FAM184A: variants seen among roughly 807,000 people sequenced by gnomAD.
FAM184A encodes the protein family with sequence similarity 184 member A, also known as protein FAM184A.
A neutral mutation model predicts 143.8 loss-of-function variants in FAM184A; 99 were observed. The ratio of observed to expected loss-of-function variants is 0.69; its 90% confidence interval spans 0.58 to 0.81. The LOEUF is 0.81. Ranked by LOEUF, FAM184A falls within the 40% of genes least tolerant of loss-of-function variation. The pLI is 0.00. For missense variants in FAM184A, 1,217 were observed against 1,310.5 expected, an observed-to-expected ratio of 0.93 and a Z score of 1.10; for synonymous variants, 427 against 446.4, an observed-to-expected ratio of 0.96 and a Z score of 0.55.
chr6:119,069,219 GT>G, intron 1 of FAM184A: 1 of 214,264 alleles, frequency 4.7e-6, no homozygotes, highest in Non-Finnish European at 1.1e-5. Context: ...CATTCGACAA[GT>G]TTACCAAACA....
At chr6:119,068,256 A>T (rs1199118322) in intron 1 of FAM184A, among the ~76,000 whole-genome samples, 1 of 152,048 alleles carries the variant, frequency 6.6e-6, no homozygotes, top group Non-Finnish European at 1.5e-5. Context: ...CATGTTGGCC[A>T]GGCTGGTCTC....
At chr6:118,987,663 A>C (rs1784235153) in intron 9 of FAM184A, among the ~76,000 whole-genome samples, 1 of 152,192 alleles carries the variant, frequency 6.6e-6, no homozygotes, top group Admixed American at 6.5e-5. Flanking sequence ...ATAACAATCC[A>C]GTACTTTTAA....
chr6:119,103,798 G>A (rs1394545605), intron 1 of FAM184A, among the ~76,000 whole-genome samples: 3 of 151,624 alleles, frequency 2.0e-5, no homozygotes, highest in Non-Finnish European at 4.4e-5. Flanking sequence ...ATGGTGGCAC[G>A]CACCTGTAGT....
intron 1 of FAM184A, among the ~76,000 whole-genome samples, chr6:119,109,671 T>C (rs1374315456): frequency 6.6e-6 from 1 of 152,228 alleles, no homozygotes; most frequent in Non-Finnish European, 1.5e-5. Flanking sequence ...ATTGAAGCTG[T>C]TAATGAACAG....
At chr6:119,124,767 T>C (rs1284141752) in intron 1 of FAM184A, among the ~76,000 whole-genome samples, 2 of 146,696 alleles carry the variant, frequency 1.4e-5, no homozygotes, top group African/African-American at 5.0e-5. Flanking sequence ...TTTTTTTTTT[T>C]ATATCTTTAA....
chr6:119,046,547 T>C (rs566873471), intron 1 of FAM184A, among the ~76,000 whole-genome samples: 17 of 132,070 alleles, frequency 1.3e-4, no homozygotes, highest in Admixed American at 1.2e-3. Flanking sequence ...TTTGTAGTGA[T>C]TGTTATACCT....
chr6:118,964,624 C>A, intron 16 of FAM184A, 43 bp downstream of exon 16: 1 of 1,160,354 alleles, frequency 8.6e-7, no homozygotes, highest in Middle Eastern at 2.0e-4. Context: ...TTTTAACCAA[C>A]TTTTAAACCA....
chr6:119,123,869 A>G (rs1789291070), intron 1 of FAM184A, among the ~76,000 whole-genome samples: 1 of 152,176 alleles, frequency 6.6e-6, no homozygotes, highest in Non-Finnish European at 1.5e-5. Context: ...TTTCCTCTCT[A>G]CTCTATTTTA....
intron 9 of FAM184A, among the ~76,000 whole-genome samples, chr6:118,987,310 G>T (rs2114600954): frequency 6.6e-6 from 1 of 152,216 alleles, no homozygotes; most frequent in South Asian, 2.1e-4. Flanking sequence ...TTACTATCTG[G>T]TCCTTTACAG....
chr6:119,005,552 T>G (rs1374524751), intron 7 of FAM184A: 1 of 152,342 alleles, frequency 6.6e-6, no homozygotes, highest in African/African-American at 2.4e-5. Context: ...TATAAATGGT[T>G]CATCTCATTT....
chr6:118,994,214 A>T (rs1010394083), intron 9 of FAM184A, among the ~76,000 whole-genome samples: 5 of 152,214 alleles, frequency 3.3e-5, no homozygotes, highest in African/African-American at 1.2e-4. Context: ...GCCAGTTACT[A>T]TTCTGGCACA....
chr6:119,102,197 T>A (rs1262177037), intron 1 of FAM184A, among the ~76,000 whole-genome samples: 1 of 152,174 alleles, frequency 6.6e-6, no homozygotes, highest in African/African-American at 2.4e-5. Flanking sequence ...TTTCCATCCC[T>A]CATCAGAAGA....
chr6:119,091,248 C>A lies in FAM184A; in HGVS notation c.-202+57830G>T, dbSNP rs147347936. 9.6e-3 allele frequency among the ~76,000 whole-genome samples: 1,458 copies of A among 152,252 alleles called. 43 individuals carry two copies. The highest frequency in any genetic ancestry group is 0.026 in the Admixed American group (395 of 15,286). On this transcript the variant is annotated intron_variant, in intron 1 of 16. Transcript: ENST00000352896. The stretch of plus-strand genomic sequence containing the variant: ...TGTTAGCAGAGCCTAAGGATGTGAA[C>A]ATAGGAAGCACAAATTCTGCAAGTG...
Position 118,979,391 on chromosome 6 carries a change from A to G in FAM184A, c.2429T>C (p.Leu810Ser). 1 of 1,612,924 alleles carries G rather than the reference A, an allele frequency of 6.2e-7. No homozygotes were observed. Among genetic ancestry groups the G allele is most frequent in the Admixed American group, 1.7e-5 (1 of 59,790 alleles). Reference protein sequence around the residue: ...EQELQTLRFELEDEGKAMLAS... With the variant: ...EQELQTLRFESEDEGKAMLAS... The stretch of plus-strand genomic sequence containing the variant: ...AAGCATAGCCTTTCCTTCATCTTCT[A>G]ATTCAAACCGAAGAGTCTGAAGTTC... Residue 810 changes from leucine to serine, a missense_variant, in exon 11 of 18, where the codon TTA becomes TCA. Coordinates refer to ENST00000338891, the MANE Select transcript of FAM184A (RefSeq NM_024581.6).
chr6:119,027,726 G>C (rs1184809780), intron 1 of FAM184A, among the ~76,000 whole-genome samples: 1 of 152,118 alleles, frequency 6.6e-6, no homozygotes, highest in Non-Finnish European at 1.5e-5. Context: ...ATACATCCTT[G>C]AGTTGTCTTT....
chr6:118,966,696 T>G (rs1783511690), intron 15 of FAM184A, 139 bp downstream of exon 15: 3 of 431,224 alleles, frequency 7.0e-6, no homozygotes, highest in African/African-American at 2.0e-5. Context: ...CATAAACATT[T>G]CAATGAACTT....
At chr6:119,062,396 G>T (rs1787293526) in intron 1 of FAM184A, among the ~76,000 whole-genome samples, 1 of 152,116 alleles carries the variant, frequency 6.6e-6, no homozygotes, top group Non-Finnish European at 1.5e-5. Flanking sequence ...TGGCATGGTG[G>T]CTCACATCTG....
intron 9 of FAM184A, among the ~76,000 whole-genome samples, chr6:118,997,638 G>A (rs188985353): frequency 1.3e-5 from 2 of 152,184 alleles, no homozygotes; most frequent in African/African-American, 4.8e-5. Flanking sequence ...CAGTGATACA[G>A]TGGGCTGAGA....
At chr6:119,067,800 A>T (rs1394233253) in intron 1 of FAM184A, among the ~76,000 whole-genome samples, 2 of 152,134 alleles carry the variant, frequency 1.3e-5, no homozygotes, top group Non-Finnish European at 2.9e-5. Flanking sequence ...AATGTAGACT[A>T]TATATCCATC....
Sources: allele counts gnomAD v4.1 joint callset (sites outside exome capture counted in the v4.1 genomes callset), GRCh38; gene constraint gnomAD v4.1.1; transcripts MANE v1.5; gene names NCBI Gene and HGNC (gene_info 2026-07-23, HGNC 2026-07-21).